MELTF: variants seen among roughly 807,000 people sequenced by gnomAD.
The protein encoded by MELTF is antigen p97 (melanoma associated) identified by monoclonal antibodies 133.2 and 96.5.
MELTF carries 67 observed loss-of-function variants against 83.7 expected under a neutral mutation model. The ratio of observed to expected loss-of-function variants is 0.80; its 90% CI spans 0.66 to 0.98. The LOEUF (loss-of-function observed/expected upper bound fraction) is 0.98. Among genes scored for constraint, MELTF ranks in the 50% least tolerant of loss-of-function variants. The pLI, the probability that MELTF is intolerant of heterozygous loss-of-function variation, is 0.00. For missense variants in MELTF, 1,002 were observed against 1,035.6 expected (o/e 0.97, Z 0.44); for synonymous variants, 462 against 447.6 (o/e 1.03, Z -0.41).
At position 197,010,697 on chromosome 3, in the gene MELTF, C is replaced by G. The variant is rs374717031; in HGVS notation, c.1330+1G>C. 1.5e-5 allele frequency: 24 copies of G among 1,611,928 alleles called. No homozygotes were observed. The highest frequency in any genetic ancestry group is 2.0e-5 in the Non-Finnish European group (23 of 1,179,100). ...GGCCAGGCGGCAGGCCCTGCACTCA[C>G]GGGCATAGTGCTCCCCGGCTGCGGG... is the stretch of plus-strand genomic sequence containing the variant. On this transcript the variant is annotated splice_donor_variant, in intron 10 of 15. Transcript: ENST00000296350. LOFTEE classifies it high-confidence loss of function.
rs145084311 is a variant in MELTF, at chr3:197,023,080, G to A, written c.521C>T (p.Pro174Leu). 9.3e-6 allele frequency: 15 copies of A among 1,613,806 alleles called. No homozygotes were observed. The highest frequency in any genetic ancestry group is 8.8e-5 in the South Asian group (8 of 91,080). Residue 174 changes from proline to leucine, a missense_variant, in exon 5 of 16, where the codon CCG becomes CTG. Transcript: ENST00000296350. ...VSDYFGGSCVPGAGETSYSES... is the reference protein window; with the variant it reads ...VSDYFGGSCVLGAGETSYSES... ...AGAGTAACTGGTCTCTCCTGCCCCC[G>A]GGACGCAGCTGCCCCCAAAATAGTC...
chr3:197,012,946 C>A (rs1250420626), intron 9 of MELTF, among the ~76,000 whole-genome samples: 1 of 152,204 alleles, frequency 6.6e-6, no homozygotes, highest in Non-Finnish European at 1.5e-5. Context: ...TTTTAAATTT[C>A]TATCTGAAAG....
At position 197,017,086 on chromosome 3, in the gene MELTF, G is replaced by A. The variant is rs749743054; in HGVS notation, c.900+17C>T. ...ATCTAGGAAGCTGTGCAGGTGGTTG[G>A]GGGACCCTGAGCCCACCTGGCCTTC... On this transcript the variant is annotated intron_variant, in intron 7 of 15. Coordinates refer to ENST00000296350, the MANE Select transcript of MELTF (RefSeq NM_005929.6). 9.3e-6 allele frequency: 15 copies of A among 1,607,832 alleles called. No individual in the cohort carries two copies. In the South Asian group the frequency reaches 1.7e-4, roughly 18 times the overall value.
At chr3:197,027,010 G>A (rs1396370019) in intron 2 of MELTF, 3 of 500,586 alleles carry the variant, frequency 6.0e-6, no homozygotes, top group Middle Eastern at 5.3e-4. Context: ...AGATATCATA[G>A]TAAAAAAATC....
intron 14 of MELTF, 180 bp from the exon 15 acceptor site, chr3:197,004,279 C>T (rs1028320981): frequency 7.6e-6 from 5 of 657,158 alleles, no homozygotes; most frequent in Non-Finnish European, 1.3e-5. Flanking sequence ...GTCACCCAAG[C>T]GGGTGTGGGG....
rs759711220 is a variant in MELTF at position 197,016,369 on chromosome 3, G to A, written c.901C>T (p.Arg301Cys). Residue 301 changes from arginine (R) to cysteine (C), a missense_variant and splice_region_variant, in exon 8 of 16, where the codon CGT becomes TGT. Coordinates refer to ENST00000296350, the MANE Select transcript of MELTF (RefSeq NM_005929.6). ...LIFRLLNEGQ[R>C]LFSHEGSSFQ... ...CTGCTGCCCTCGTGGCTGAACAGAC[G>A]CTGTGTGTCAAGGGGTGTGGTACAG... 27 of 1,582,442 alleles carry A rather than the reference G, an allele frequency of 1.7e-5. No individual in the cohort carries two copies. Among genetic ancestry groups the A allele is most frequent in the East Asian group, 6.8e-5 (3 of 43,814 alleles).
chr3:197,019,649 C>G (rs371657023), intron 6 of MELTF: 9 of 1,612,460 alleles, frequency 5.6e-6, no homozygotes, highest in Non-Finnish European at 7.6e-6. Context: ...CCAAATTCTC[C>G]TTTGTCAGAC....
chr3:197,018,229 C>G (rs943404189), intron 6 of MELTF, among the ~76,000 whole-genome samples: 3 of 152,126 alleles, frequency 2.0e-5, no homozygotes, highest in African/African-American at 7.2e-5. Flanking sequence ...CTCACTGCAA[C>G]CTCCACCTTC....
intron 2 of MELTF, among the ~76,000 whole-genome samples, chr3:197,027,307 T>C (rs187012288): frequency 8.9e-4 from 135 of 152,276 alleles, no homozygotes; most frequent in Middle Eastern, 6.8e-3. Flanking sequence ...CCTCGGAGGA[T>C]TGTCAGTGTC....
Position 197,024,273 on chromosome 3 carries a change from G to A in MELTF, c.487+30C>T, listed in dbSNP as rs375309018. 3.3e-6 allele frequency: 5 copies of A among 1,524,630 alleles called. No homozygotes were observed. In the African/African-American group the frequency reaches 4.2e-5, roughly 13 times the overall value. The allele number at this position is 1,524,630 out of a possible 1,614,324, so 94.4% of individuals were successfully genotyped here. ...CCAAGGAAAGGAGGGGGAGGCCTGG[G>A]GACCCTCCTGCCCAGCCCAAAGCCC... is the stretch of plus-strand genomic sequence containing the variant. On this transcript the variant is annotated intron_variant, in intron 4 of 15. Coordinates refer to ENST00000296350, the MANE Select transcript of MELTF (RefSeq NM_005929.6). The surrounding 1 kb of genome is among the most constrained non-coding windows in gnomAD (Gnocchi z 5.3).
chr3:197,017,770 G>A lies in MELTF; in HGVS notation c.713-480C>T, dbSNP rs191780155. Among the ~76,000 whole-genome samples the A allele has an allele frequency of 4.0e-5, 6 of 151,784 alleles. No individual in the cohort carries two copies. In the East Asian group the frequency reaches 5.9e-4, roughly 15 times the overall value. ...CGGGCGCCTGTAATCCCAGCTACTGGGGAGGCTGAGGCAGGAGAATGGTGT... is the reference window on the plus strand; with the variant it reads ...CGGGCGCCTGTAATCCCAGCTACTGAGGAGGCTGAGGCAGGAGAATGGTGT... On this transcript the variant is annotated intron_variant, in intron 6 of 15. Transcript: ENST00000296350.
chr3:197,018,153 C>A lies in MELTF; in HGVS notation c.713-863G>T, dbSNP rs73208234. ...TTTCCTGTCTTTTGACCTCACCCCC[C>A]CTTTTTCTTTTTGAGACGGAGTCTG... On this transcript the variant is annotated intron_variant, in intron 6 of 15. Transcript: ENST00000296350. Among the ~76,000 whole-genome samples the A allele has an allele frequency of 2.7e-4, 41 of 152,088 alleles. 1 individual carries two copies. The South Asian group carries it at 3.3e-3, about 12-fold the overall frequency.
rs759120655 is a variant in MELTF, at chr3:197,024,271, G to A, written c.487+32C>T. The A allele has an allele frequency of 9.2e-6, 14 of 1,522,898 alleles. No individual in the cohort carries two copies. The South Asian group carries it at 1.2e-4, about 13-fold the overall frequency. 94.3% of individuals were successfully genotyped at this position (1,522,898 alleles called of 1,614,324 possible). A position where few individuals can be genotyped will look rare whatever the true frequency, so the allele number is the denominator to read the frequency against. ...GGCCAAGGAAAGGAGGGGGAGGCCT[G>A]GGGACCCTCCTGCCCAGCCCAAAGC... On this transcript the variant is annotated intron_variant, in intron 4 of 15. Coordinates refer to ENST00000296350, the MANE Select transcript of MELTF (RefSeq NM_005929.6). The surrounding 1 kb of genome is among the most constrained non-coding windows in gnomAD (Gnocchi z 5.3).
chr3:197,004,234 T>C lies in MELTF; in HGVS notation c.1939-135A>G, dbSNP rs1176673986. The C allele has an allele frequency of 2.6e-5, 22 of 831,624 alleles. No individual in the cohort carries two copies. The Admixed American group carries it at 3.9e-4, about 15-fold the overall frequency. The allele number at this position is 831,624 out of a possible 1,614,324, so 51.5% of individuals were successfully genotyped here. A position where few individuals can be genotyped will look rare whatever the true frequency, so the allele number is the denominator to read the frequency against. ...TCATTTCAGGGCCCCACCACTCTGA[T>C]TGGAAGTCATAAGCTTGACAACTGA... On this transcript the variant is annotated intron_variant, in intron 14 of 15. Transcript: ENST00000296350.
In MELTF at chr3:197,009,608, G is replaced by T. The variant is rs9864988; in HGVS notation, c.1525+10C>A. On this transcript the variant is annotated intron_variant, in intron 11 of 15. Coordinates refer to ENST00000296350, the MANE Select transcript of MELTF (RefSeq NM_005929.6). ...TTCCCCAGTCTGCGTTCCTAAAAAGGGGGGGGTACCTGTGAGGACGTCACA... is the reference window on the plus strand; with the variant it reads ...TTCCCCAGTCTGCGTTCCTAAAAAGTGGGGGGTACCTGTGAGGACGTCACA... 6.1e-5 allele frequency: 97 copies of T among 1,596,022 alleles called. No homozygotes were observed. The highest frequency in any genetic ancestry group is 3.3e-4 in the Middle Eastern group (2 of 6,026).
At chr3:197,012,458 A>AG (rs1719224340) in intron 9 of MELTF, among the ~76,000 whole-genome samples, 1 of 152,218 alleles carries the variant, frequency 6.6e-6, no homozygotes. Context: ...CATCGTCGTA[A>AG]GCCTGGTCAC....
In MELTF at chr3:197,011,916, G is replaced by C. The variant is rs1423106656; in HGVS notation, c.1234-1122C>G. Among the ~76,000 whole-genome samples, 1 of 152,158 alleles carries C rather than the reference G, an allele frequency of 6.6e-6. No individual in the cohort carries two copies. The highest frequency in any genetic ancestry group is 1.5e-5 in the Non-Finnish European group (1 of 68,028). On this transcript the variant is annotated intron_variant, in intron 9 of 15. Transcript: ENST00000296350. This position sits in a 1 kb window ranked among gnomAD's most constrained non-coding sequence, Gnocchi z 4.2. ...GCCCTCTGTGAGCCCAGATTGAGAG[G>C]AGGCTGTCACTCAGAGGGAGCTGAA...
rs770411437 is a variant in MELTF, at chr3:197,009,651, A to T, written c.1492T>A (p.Phe498Ile). ...ACGTCACAGTCCTTGGGCCGGATGA[A>T]GCCTCTCTGAATAAGGGCACCCACG... ...VPVGALIQRG[F>I]IRPKDCDVLT... The change falls in exon 11 of 16, where the codon TTC (phenylalanine) becomes ATC (isoleucine). Residue 498 changes from phenylalanine to isoleucine, a missense_variant. Transcript: ENST00000296350. The T allele has an allele frequency of 6.2e-7, 1 of 1,613,254 alleles. No individual in the cohort carries two copies. Among genetic ancestry groups the T allele is most frequent in the Non-Finnish European group, 8.5e-7 (1 of 1,179,576 alleles).
rs984658926 is a variant in MELTF, at chr3:197,011,780, C to T, written c.1234-986G>A. 1.3e-5 allele frequency among the ~76,000 whole-genome samples: 2 copies of T among 152,138 alleles called. No individual in the cohort carries two copies. The highest frequency in any genetic ancestry group is 2.9e-5 in the Non-Finnish European group (2 of 68,014). ...ATGGGTGTTACAGCCACACTGGACT[C>T]CTCTCTGAGAACCTCAGAAGCTAGA... On this transcript the variant is annotated intron_variant, in intron 9 of 15. Transcript: ENST00000296350. This position sits in a 1 kb window ranked among gnomAD's most constrained non-coding sequence, Gnocchi z 4.2.
Sources: gnomAD v4.1 joint callset for allele counts (sites outside exome capture counted in the v4.1 genomes callset) on GRCh38, gnomAD v4.1.1 for gene constraint, Gnocchi (gnomAD v3.1) non-coding constraint, MANE v1.5 for transcripts, NCBI Gene and HGNC (gene_info 2026-07-23, HGNC 2026-07-21) for gene names.